The following GUCY1A1 variants were observed in gnomAD, a reference collection of about 807,000 sequenced individuals.
GUCY1A1 encodes guanylate cyclase 1 soluble subunit alpha 1, also known as guanylate cyclase soluble subunit alpha-1.
A neutral mutation model predicts 64.5 loss-of-function variants in GUCY1A1; 48 were observed. The observed-to-expected ratio is 0.74, with a 90% CI of 0.59 to 0.95. The LOEUF (loss-of-function observed/expected upper bound fraction) is 0.95, where lower values mean the gene tolerates loss of function less well. GUCY1A1 is among the 40% of genes least tolerant of loss of function. GUCY1A1 has a pLI of 0.00. For missense variants in GUCY1A1, 804 were observed against 825.3 expected, an observed-to-expected ratio of 0.97 and a Z score of 0.32; for synonymous variants, 308 against 303.4, an observed-to-expected ratio of 1.02 and a Z score of -0.16.
chr4:155,722,345 T>A (rs1734076196), intron 9 of GUCY1A1, 153 bp downstream of exon 9: 1 of 1,430,002 alleles, frequency 7.0e-7, no homozygotes, highest in Non-Finnish European at 9.1e-7. Context: ...TCACTTTAAC[T>A]TTTTTACACT....
At chr4:155,677,789 T>G (rs1735160662) in intron 2 of GUCY1A1, among the ~76,000 whole-genome samples, 1 of 151,990 alleles carries the variant, frequency 6.6e-6, no homozygotes, top group African/African-American at 2.4e-5. Context: ...GAGGCGGAGG[T>G]TGCAGTGAGC....
chr4:155,730,344 G>T lies in GUCY1A1; in HGVS notation c.*113G>T, dbSNP rs2110784011. On this transcript the variant is annotated 3_prime_UTR_variant, in exon 10 of 10. Coordinates refer to ENST00000506455, the MANE Select transcript of GUCY1A1 (RefSeq NM_001130682.3). ...GCTAACAAGCAGTATTAAAATTTCA[G>T]GAGCCAAGTCACAATCTTTCTCCTG... is the stretch of plus-strand genomic sequence containing the variant. 4.9e-6 allele frequency: 3 copies of T among 606,562 alleles called. No individual in the cohort carries two copies. The South Asian group carries it at 6.8e-5, about 14-fold the overall frequency. 37.6% of individuals were successfully genotyped at this position (606,562 alleles called of 1,614,324 possible).
In GUCY1A1 at chr4:155,696,757, C is replaced by A; in HGVS notation, c.-111C>A. 1.0e-6 allele frequency: 1 copy of A among 958,914 alleles called. No individual in the cohort carries two copies. Among genetic ancestry groups the A allele is most frequent in the Non-Finnish European group, 1.6e-6 (1 of 627,022 alleles). 59.4% of individuals were successfully genotyped at this position (958,914 alleles called of 1,614,324 possible). ...GTTCTGACTTTTTGCTGTCCATAGA[C>A]ATCCCAGTTACCAGTGTCCTTGAAT... On this transcript the variant is annotated splice_region_variant and 5_prime_UTR_variant, in exon 3 of 10. Coordinates refer to ENST00000506455, the MANE Select transcript of GUCY1A1 (RefSeq NM_001130682.3).
intron 6 of GUCY1A1, among the ~76,000 whole-genome samples, chr4:155,711,807 AAG>A (rs1393123607): frequency 6.6e-6 from 1 of 152,206 alleles, no homozygotes; most frequent in Non-Finnish European, 1.5e-5. Context: ...AAGCAAAGCT[AAG>A]AGAGAAGTTT....
At chr4:155,721,890 G>T in intron 8 of GUCY1A1, 148 bp from the exon 9 acceptor site, 1 of 671,404 alleles carries the variant, frequency 1.5e-6, no homozygotes, top group Non-Finnish European at 2.7e-6. Flanking sequence ...CATGTGAGGA[G>T]TAGAGGGAAG....
At chr4:155,670,096 CTT>C (rs1733927425) in intron 2 of GUCY1A1, among the ~76,000 whole-genome samples, 1 of 152,104 alleles carries the variant, frequency 6.6e-6, no homozygotes, top group Non-Finnish European at 1.5e-5. Flanking sequence ...CTGAGAATGA[CTT>C]TTTCTGTCAG....
chr4:155,707,099 G>A (rs1224695427), intron 4 of GUCY1A1, among the ~76,000 whole-genome samples: 1 of 152,140 alleles, frequency 6.6e-6, no homozygotes, highest in Non-Finnish European at 1.5e-5. Flanking sequence ...CTATGTATTT[G>A]CTTTAGGAAA....
chr4:155,713,619 C>A (rs1333339531), intron 7 of GUCY1A1, 36 bp downstream of exon 7: 4 of 1,594,182 alleles, frequency 2.5e-6, no homozygotes, highest in Admixed American at 1.7e-5. Context: ...GTTTTACCAG[C>A]AAACTCACTG....
chr4:155,670,397 T>C (rs183609230), intron 2 of GUCY1A1, among the ~76,000 whole-genome samples: 2 of 152,230 alleles, frequency 1.3e-5, no homozygotes, highest in African/African-American at 4.8e-5. Context: ...ACTAGTTGAT[T>C]TACTTTGGGT....
intron 2 of GUCY1A1, among the ~76,000 whole-genome samples, chr4:155,675,354 T>C (rs1175300357): frequency 6.6e-6 from 1 of 151,548 alleles, no homozygotes; most frequent in Non-Finnish European, 1.5e-5. Flanking sequence ...ATGAAGTATT[T>C]AGAGAGTTAC....
At chr4:155,680,515 C>T (rs1200777689) in intron 2 of GUCY1A1, among the ~76,000 whole-genome samples, 7 of 151,522 alleles carry the variant, frequency 4.6e-5, no homozygotes, top group Non-Finnish European at 5.9e-5. Context: ...TTGAACAACA[C>T]AGGGGTTGGG....
At chr4:155,712,868 T>C (rs992916817) in intron 6 of GUCY1A1, among the ~76,000 whole-genome samples, 6 of 152,254 alleles carry the variant, frequency 3.9e-5, no homozygotes, top group Non-Finnish European at 7.3e-5. Flanking sequence ...GCGTTTTGCA[T>C]TGTTCATTGT....
At chr4:155,707,505 G>T (rs1282779707) in intron 4 of GUCY1A1, among the ~76,000 whole-genome samples, 2 of 151,962 alleles carry the variant, frequency 1.3e-5, no homozygotes, top group Non-Finnish European at 2.9e-5. Context: ...TCACATGAGA[G>T]CATTGTACTC....
chr4:155,697,641 A>T (rs546491015), intron 3 of GUCY1A1, among the ~76,000 whole-genome samples: 17 of 152,328 alleles, frequency 1.1e-4, no homozygotes, highest in African/African-American at 3.8e-4. Context: ...TCCCTTGGCC[A>T]CTTGCTCTGA....
chr4:155,719,670 A>G (rs1733710739), intron 8 of GUCY1A1, among the ~76,000 whole-genome samples: 1 of 152,132 alleles, frequency 6.6e-6, no homozygotes, highest in Admixed American at 6.6e-5. Context: ...TGATTTCCTC[A>G]CTAACATCCA....
intron 8 of GUCY1A1, 74 bp from the exon 9 acceptor site, chr4:155,721,964 G>A (rs1198177345): frequency 2.0e-6 from 2 of 1,016,820 alleles, no homozygotes; most frequent in African/African-American, 3.2e-5. Flanking sequence ...AATTTAGACG[G>A]TATTCAAACG....
At chr4:155,700,461 C>A (rs1026739339) in intron 3 of GUCY1A1, among the ~76,000 whole-genome samples, 4 of 152,114 alleles carry the variant, frequency 2.6e-5, no homozygotes, top group African/African-American at 9.7e-5. Context: ...TATCCATAAA[C>A]CACACCAATG....
intron 3 of GUCY1A1, among the ~76,000 whole-genome samples, chr4:155,703,088 TG>T (rs1182876754): frequency 2.0e-5 from 3 of 152,040 alleles, no homozygotes; most frequent in Non-Finnish European, 4.4e-5. Context: ...TGCTTATCAA[TG>T]CTCTACTTTC....
rs562709385 is a variant in GUCY1A1, at chr4:155,703,829, C to G, written c.256-103C>G. On this transcript the variant is annotated intron_variant, in intron 3 of 9. Coordinates refer to ENST00000506455, the MANE Select transcript of GUCY1A1 (RefSeq NM_001130682.3). ...ATCATTCAAGCAATTGTATAATGTG[C>G]TTTATTCTCGAAAATAAATCTTCAG... 1.1e-5 allele frequency: 8 copies of G among 728,784 alleles called. No homozygotes were observed. The African/African-American group carries it at 1.3e-4, about 12-fold the overall frequency. 45.1% of individuals were successfully genotyped at this position (728,784 alleles called of 1,614,324 possible).
Sources: allele counts gnomAD v4.1 joint callset (sites outside exome capture counted in the v4.1 genomes callset), GRCh38; gene constraint gnomAD v4.1.1; transcripts MANE v1.5; gene names NCBI Gene and HGNC (gene_info 2026-07-23, HGNC 2026-07-21).